Variants in FMNL3 observed in about 807,000 individuals in gnomAD.
The protein encoded by FMNL3 is formin-like protein 3.
A neutral mutation model predicts 119.6 loss-of-function variants in FMNL3; 57 were observed. The ratio of observed to expected loss-of-function variants is 0.48; its 90% CI spans 0.39 to 0.59. The LOEUF (loss-of-function observed/expected upper bound fraction) is 0.59. Ranked by LOEUF, FMNL3 falls within the 20% of genes least tolerant of loss-of-function variation. The pLI is 0.00. For missense variants in FMNL3, 1,053 were observed against 1,323.5 expected (o/e 0.80, Z 3.17); for synonymous variants, 491 against 507.3 (o/e 0.97, Z 0.43).
chr12:49,665,058 T>A (rs921031902), intron 4 of FMNL3, among the ~76,000 whole-genome samples: 1 of 151,992 alleles, frequency 6.6e-6, no homozygotes, highest in Admixed American at 6.6e-5. Flanking sequence ...TAAGCACACA[T>A]ACGCACACAT....
At chr12:49,676,941 C>G (rs1944206366) in intron 1 of FMNL3, among the ~76,000 whole-genome samples, 1 of 152,184 alleles carries the variant, frequency 6.6e-6, no homozygotes, top group South Asian at 2.1e-4. Flanking sequence ...AGAACACAGG[C>G]TTCTGAGAAC....
intron 1 of FMNL3, among the ~76,000 whole-genome samples, chr12:49,698,095 T>C (rs904330696): frequency 6.6e-6 from 1 of 152,224 alleles, no homozygotes; most frequent in African/African-American, 2.4e-5. Flanking sequence ...ACCAGGCTCA[T>C]GTCAACTTTC....
chr12:49,646,481 C>G (rs1416484902), intron 25 of FMNL3, among the ~76,000 whole-genome samples: 1 of 152,224 alleles, frequency 6.6e-6, no homozygotes, highest in Non-Finnish European at 1.5e-5. Flanking sequence ...ATATGCCACA[C>G]TTCTCAGAGC....
chr12:49,693,321 A>C (rs1944656666), intron 1 of FMNL3, among the ~76,000 whole-genome samples: 1 of 152,042 alleles, frequency 6.6e-6, no homozygotes. Context: ...GAAAAGGGAC[A>C]GGCAGATTAC....
chr12:49,650,688 C>T lies in FMNL3; in HGVS notation c.1988G>A (p.Arg663Lys), dbSNP rs745508333. 2 of 1,613,198 alleles carry T rather than the reference C, an allele frequency of 1.2e-6. No individual in the cohort carries two copies. The highest frequency in any genetic ancestry group is 2.2e-5 in the South Asian group (2 of 91,052). Residue 663 changes from arginine (R) to lysine (K), a missense_variant, in exon 17 of 26, where the codon AGG (arginine) becomes AAG (lysine). Arg to Lys is a conservative substitution (Grantham distance 26). This residue lies in a region of FMNL3 where 445 missense variants were observed against 628.4 expected (regional missense o/e 0.71). Transcript: ENST00000335154. ...KAGRSAEEIC[R>K]AIHTFDLQTL... The stretch of plus-strand genomic sequence containing the variant: ...GTGGGAGCCTCACGTATGAATGGCC[C>T]TGCAGATCTCCTCAGCCGAGCGGCC...
Position 49,639,357 on chromosome 12 carries a change from C to T in FMNL3, c.*6458G>A, listed in dbSNP as rs1043960370. The T allele has an allele frequency of 1.3e-5, 2 of 152,164 alleles. No individual in the cohort carries two copies. The highest frequency in any genetic ancestry group is 2.4e-5 in the African/African-American group (1 of 41,414). 9.4% of individuals were successfully genotyped at this position (152,164 alleles called of 1,614,324 possible). A position where few individuals can be genotyped will look rare whatever the true frequency, so the allele number is the denominator to read the frequency against. Reference sequence around the variant, plus strand: ...TGTTGGGGCTACTTGGTACAAAAGTCCAAGAAGCACTAGATGCTAGGAGCT... The same window carrying T: ...TGTTGGGGCTACTTGGTACAAAAGTTCAAGAAGCACTAGATGCTAGGAGCT... On this transcript the variant is annotated 3_prime_UTR_variant, in exon 26 of 26. Coordinates refer to ENST00000335154, the MANE Select transcript of FMNL3 (RefSeq NM_175736.5).
In FMNL3 at chr12:49,707,063, G is replaced by T; in HGVS notation, c.118C>A (p.Leu40Met). ...CTGGGCTCAGCTCTCACCAGCACCA[G>T]GGCGAACCTTTCCTCCAGCTCACAG... The part of the protein sequence containing the change: ...EPCELEERFA[L>M]VLSSMNLPPD... The change falls in exon 1 of 26, where the codon CTG becomes ATG. Residue 40 changes from leucine to methionine, a missense_variant. Around this residue, in one of 4 missense-constraint regions of FMNL3, gnomAD observed 264 missense variants for 265.5 expected, o/e 0.99. Coordinates refer to ENST00000335154, the MANE Select transcript of FMNL3 (RefSeq NM_175736.5). 1 of 1,584,522 alleles carries T rather than the reference G, an allele frequency of 6.3e-7. No individual in the cohort carries two copies. The highest frequency in any genetic ancestry group is 8.6e-7 in the Non-Finnish European group (1 of 1,166,656).
At chr12:49,702,173 G>A (rs990262919) in intron 1 of FMNL3, among the ~76,000 whole-genome samples, 2 of 151,954 alleles carry the variant, frequency 1.3e-5, no homozygotes, top group African/African-American at 2.4e-5. Context: ...GCATGGTGGC[G>A]CACGCCTGTG....
chr12:49,691,475 C>T (rs756734747), intron 1 of FMNL3, among the ~76,000 whole-genome samples: 7 of 152,036 alleles, frequency 4.6e-5, no homozygotes, highest in Non-Finnish European at 8.8e-5. Flanking sequence ...CTTTCACTGG[C>T]CTGGAAATGA....
chr12:49,696,294 A>T (rs1263122136), intron 1 of FMNL3, among the ~76,000 whole-genome samples: 1 of 152,164 alleles, frequency 6.6e-6, no homozygotes, highest in Non-Finnish European at 1.5e-5. Flanking sequence ...GACCAGACCA[A>T]ATGGCTCCAA....
rs199787423 is a variant in FMNL3 at position 49,637,703 on chromosome 12, C to G, written c.*8112G>C. 5.3e-6 allele frequency: 8 copies of G among 1,512,508 alleles called. No individual in the cohort carries two copies. The highest frequency in any genetic ancestry group is 1.8e-5 in the Admixed American group (1 of 56,484). 93.7% of individuals were successfully genotyped at this position (1,512,508 alleles called of 1,614,324 possible). On this transcript the variant is annotated 3_prime_UTR_variant, in exon 26 of 26. Transcript: ENST00000335154. ...CCCCAGGCCTTGGGAAGCTGCCGCCCGCCAGGCCCCCCTCCCTCCCTCCTT... is the reference window on the plus strand; with the variant it reads ...CCCCAGGCCTTGGGAAGCTGCCGCCGGCCAGGCCCCCCTCCCTCCCTCCTT...
chr12:49,658,890 G>A lies in FMNL3; in HGVS notation c.453-296C>T, dbSNP rs532207956. ...CCCCACTAGCCAGGAAATTCCAGAA[G>A]GAGTGTCCTCCCCATGGGCCACTCG... is the stretch of plus-strand genomic sequence containing the variant. On this transcript the variant is annotated intron_variant, in intron 5 of 25. Coordinates refer to ENST00000335154, the MANE Select transcript of FMNL3 (RefSeq NM_175736.5). 1.4e-3 allele frequency among the ~76,000 whole-genome samples: 207 copies of A among 152,304 alleles called. 3 individuals are homozygous for A. Among genetic ancestry groups the A allele is most frequent in the African/African-American group, 4.6e-3 (191 of 41,572 alleles).
In FMNL3 at chr12:49,653,349, T is replaced by A. The variant is rs761406483; in HGVS notation, c.1222-22A>T. The A allele has an allele frequency of 1.9e-6, 3 of 1,611,916 alleles. No homozygotes were observed. In the East Asian group the frequency reaches 6.7e-5, roughly 36 times the overall value. On this transcript the variant is annotated intron_variant, in intron 12 of 25. Transcript: ENST00000335154. ...TGAGCTGCACAACAGGAAGGGCAGG[T>A]TCTGTGCTGGCCCTAAAGCCTGGGC...
In FMNL3 at chr12:49,647,230, CT is replaced by C; in HGVS notation, c.2871+45del. On this transcript the variant is annotated intron_variant, in intron 24 of 25. Coordinates refer to ENST00000335154, the MANE Select transcript of FMNL3 (RefSeq NM_175736.5). The surrounding 1 kb of genome is among the most constrained non-coding windows in gnomAD (Gnocchi z 4.9). The stretch of plus-strand genomic sequence containing the variant: ...AGCCTTCTGACCCCCAGCCCCCACT[CT>C]TTTGCCTTGTCGTCCTCCAGGCCCC... 6.2e-7 allele frequency: 1 copy of C among 1,609,192 alleles called. No homozygotes were observed. Among genetic ancestry groups the C allele is most frequent in the South Asian group, 1.1e-5 (1 of 90,970 alleles).
Position 49,700,978 on chromosome 12 carries a change from C to T in FMNL3, c.126+6077G>A, listed in dbSNP as rs183421138. Among the ~76,000 whole-genome samples, 312 of 145,776 alleles carry T rather than the reference C, an allele frequency of 2.1e-3. 1 individual carries two copies. The highest frequency in any genetic ancestry group is 0.012 in the Middle Eastern group (3 of 256). On this transcript the variant is annotated intron_variant, in intron 1 of 25. Transcript: ENST00000335154. ...TCTGTAATCCCAGCTACTTGGGAGG[C>T]TGAGGCAGGAGAATTGCTTGAACCC...
At position 49,637,904 on chromosome 12, in the gene FMNL3, G is replaced by C; in HGVS notation, c.*7911C>G. Reference sequence around the variant, plus strand: ...TGCAGAGGACTCCCTGATAAGTCCTGTTTTGCAGAAGCATTACAGCTTGGT... The same window carrying C: ...TGCAGAGGACTCCCTGATAAGTCCTCTTTTGCAGAAGCATTACAGCTTGGT... On this transcript the variant is annotated 3_prime_UTR_variant, in exon 26 of 26. Transcript: ENST00000335154. The C allele has an allele frequency of 8.4e-7, 1 of 1,188,374 alleles. No homozygotes were observed. The highest frequency in any genetic ancestry group is 2.4e-5 in the East Asian group (1 of 42,464). The allele number at this position is 1,188,374 out of a possible 1,614,324, so 73.6% of individuals were successfully genotyped here. A position where few individuals can be genotyped will look rare whatever the true frequency, so the allele number is the denominator to read the frequency against.
In FMNL3 at chr12:49,637,714, C is replaced by A. The variant is rs201358204; in HGVS notation, c.*8101G>T. 21 of 1,536,902 alleles carry A rather than the reference C, an allele frequency of 1.4e-5. No homozygotes were observed. The highest frequency in any genetic ancestry group is 1.0e-4 in the Admixed American group (6 of 58,412). On this transcript the variant is annotated 3_prime_UTR_variant, in exon 26 of 26. Coordinates refer to ENST00000335154, the MANE Select transcript of FMNL3 (RefSeq NM_175736.5). ...GGGAAGCTGCCGCCCGCCAGGCCCCCCTCCCTCCCTCCTTACAGGCTCCAC... is the reference window on the plus strand; with the variant it reads ...GGGAAGCTGCCGCCCGCCAGGCCCCACTCCCTCCCTCCTTACAGGCTCCAC...
In FMNL3 at chr12:49,658,450, A is replaced by T; in HGVS notation, c.597T>A (p.Ser199=). The change falls in exon 6 of 26, where the codon TCT becomes TCA. Residue 199 remains serine (S), a synonymous_variant. Coordinates refer to ENST00000335154, the MANE Select transcript of FMNL3 (RefSeq NM_175736.5). The stretch of plus-strand genomic sequence containing the variant: ...AGCAAAAGCACACATACCGGAGCAC[A>T]GACTGGCGCGCAGAGCGAGCGAGGC... ...TNSLARSARQ[S]VLRYSTLPGR... is the part of the protein sequence containing the mutation. 1 of 1,603,952 alleles carries T rather than the reference A, an allele frequency of 6.2e-7. No homozygotes were observed. The highest frequency in any genetic ancestry group is 8.5e-7 in the Non-Finnish European group (1 of 1,173,902).
rs1200433073 is a variant in FMNL3, at chr12:49,637,429, C to T, written c.*8386G>A. The T allele has an allele frequency of 7.0e-7, 1 of 1,425,040 alleles. No individual in the cohort carries two copies. The highest frequency in any genetic ancestry group is 9.9e-7 in the Non-Finnish European group (1 of 1,013,258). The allele number at this position is 1,425,040 out of a possible 1,614,324, so 88.3% of individuals were successfully genotyped here. ...TCCCCCTCAGTCTGTGGCTCTGCCT[C>T]CCTGTCTCACTCTCCCTATAACTGG... On this transcript the variant is annotated 3_prime_UTR_variant, in exon 26 of 26. Coordinates refer to ENST00000335154, the MANE Select transcript of FMNL3 (RefSeq NM_175736.5).
Sources: gnomAD v4.1 joint callset for allele counts (sites outside exome capture counted in the v4.1 genomes callset) on GRCh38, gnomAD v4.1.1 for gene constraint, gnomAD v4.1.1 regional missense constraint, Gnocchi (gnomAD v3.1) non-coding constraint, MANE v1.5 for transcripts, NCBI Gene and HGNC (gene_info 2026-07-23, HGNC 2026-07-21) for gene names.